Variants in ITGB5 observed in about 807,000 individuals in gnomAD.
ITGB5 encodes the protein integrin subunit beta 5.
ITGB5 carries 38 observed loss-of-function variants against 84.8 expected under a neutral mutation model. The observed-to-expected ratio is 0.45, with a 90% CI of 0.35 to 0.59. The LOEUF is 0.59. Among genes scored for constraint, ITGB5 ranks in the 20% least tolerant of loss-of-function variants. The probability of loss-of-function intolerance (pLI) is 0.01; values close to 1 mark genes in which losing one functional copy is unlikely to be tolerated. For missense variants in ITGB5, 905 were observed against 1,034.5 expected, an observed-to-expected ratio of 0.87 and a Z score of 1.72; for synonymous variants, 393 against 414.4, an observed-to-expected ratio of 0.95 and a Z score of 0.63.
intron 1 of ITGB5, among the ~76,000 whole-genome samples, chr3:124,882,305 G>A (rs936378155): frequency 6.6e-6 from 1 of 152,224 alleles, no homozygotes; most frequent in Non-Finnish European, 1.5e-5. Flanking sequence ...TTAGATGGTG[G>A]TGAGTGCTAA....
chr3:124,891,593 C>CA (rs59385283), upstream of ITGB5, among the ~76,000 whole-genome samples: 2,070 of 103,630 alleles, frequency 0.02, 64 homozygotes, highest in African/African-American at 0.05. Flanking sequence ...ATAACTGCCT[C>CA]AAAAAAAAAA....
chr3:124,880,526 G>C (rs1449100595), intron 1 of ITGB5, among the ~76,000 whole-genome samples: 1 of 152,160 alleles, frequency 6.6e-6, no homozygotes, highest in African/African-American at 2.4e-5. Flanking sequence ...CAGGTGGGAG[G>C]AGCAGTTGAG....
chr3:124,898,131 C>G (rs1260936347), intron 1 of ITGB5, among the ~76,000 whole-genome samples: 1 of 151,770 alleles, frequency 6.6e-6, no homozygotes, highest in East Asian at 1.9e-4. Context: ...ATCAGGAAGA[C>G]ACATGAGCAA....
intron 10 of ITGB5, among the ~76,000 whole-genome samples, chr3:124,795,303 A>C (rs1425442203): frequency 6.6e-6 from 1 of 152,128 alleles, no homozygotes; most frequent in Non-Finnish European, 1.5e-5. Flanking sequence ...AGCCTGGCCA[A>C]CATGGTGAAA....
rs1302019529 is a variant in ITGB5 at position 124,817,690 on chromosome 3, A to G, written c.1059T>C (p.Pro353=). ...MLYKNFTALI[P]GTTVEILDGD... is the part of the protein sequence containing the mutation. ...CATCTAAAATCTCCACCGTTGTTCC[A>G]GGTATCAGGGCTGTAAAATTCTTGG... The change falls in exon 8 of 15, where the codon CCT becomes CCC. Residue 353 remains proline (P), a synonymous_variant. Transcript: ENST00000296181. 6.3e-7 allele frequency: 1 copy of G among 1,589,258 alleles called. No individual in the cohort carries two copies. Among genetic ancestry groups the G allele is most frequent in the Non-Finnish European group, 8.6e-7 (1 of 1,167,358 alleles).
rs140404427 is a variant in ITGB5, at chr3:124,857,505, T to C, written c.361+1737A>G. On this transcript the variant is annotated intron_variant, in intron 3 of 14. Transcript: ENST00000296181. ...AACCCAAGAGAGCCAGCCAGATCCA[T>C]GATCTTTCCACTGCTACAAGCTTCC... is the stretch of plus-strand genomic sequence containing the variant. 7.9e-5 allele frequency among the ~76,000 whole-genome samples: 12 copies of C among 152,268 alleles called. No individual in the cohort carries two copies. The East Asian group carries it at 2.1e-3, about 27-fold the overall frequency.
chr3:124,815,061 A>G (rs538905142), intron 8 of ITGB5, among the ~76,000 whole-genome samples: 32 of 152,242 alleles, frequency 2.1e-4, no homozygotes, highest in African/African-American at 7.7e-4. Context: ...CTGGATTTCC[A>G]CTAGGAAAAT....
intron 5 of ITGB5, among the ~76,000 whole-genome samples, chr3:124,835,718 T>G (rs985519712): frequency 2.6e-5 from 4 of 152,178 alleles, no homozygotes; most frequent in Non-Finnish European, 5.9e-5. Flanking sequence ...TTTCCTGTAT[T>G]TCTCAACTCA....
intron 5 of ITGB5, 21 bp from the exon 6 acceptor site, chr3:124,821,495 G>A (rs753725211): frequency 1.2e-6 from 2 of 1,612,818 alleles, no homozygotes; most frequent in Admixed American, 1.7e-5. Flanking sequence ...GAAGGTGGAT[G>A]GGTACACCAG....
chr3:124,768,047 G>A (rs2063791282), intron 12 of ITGB5, among the ~76,000 whole-genome samples: 2 of 152,182 alleles, frequency 1.3e-5, no homozygotes, highest in Non-Finnish European at 2.9e-5. Context: ...TCCAGCCTGG[G>A]TGACAGAGAC....
chr3:124,855,275 C>T (rs1460557809), intron 3 of ITGB5, among the ~76,000 whole-genome samples: 11 of 152,102 alleles, frequency 7.2e-5, no homozygotes. Context: ...CACTGCACTC[C>T]AGCCTGGGCG....
Position 124,797,239 on chromosome 3 carries a change from C to T in ITGB5, c.1264-422G>A, listed in dbSNP as rs2064244309. On this transcript the variant is annotated intron_variant, in intron 9 of 14. Transcript: ENST00000296181. The stretch of plus-strand genomic sequence containing the variant: ...AAAGTCATTTGGTGGAAAAACATTT[C>T]CTGGGCGCTGCCTCTGTGCCAGGCA... Among the ~76,000 whole-genome samples the T allele has an allele frequency of 2.6e-5, 4 of 152,246 alleles. No individual in the cohort carries two copies. In the South Asian group the frequency reaches 8.3e-4, roughly 32 times the overall value.
rs1244080273 is a variant in ITGB5, at chr3:124,848,442, G to A, written c.478C>T (p.Leu160=). 1 of 1,614,072 alleles carries A rather than the reference G, an allele frequency of 6.2e-7. No individual in the cohort carries two copies. Among genetic ancestry groups the A allele is most frequent in the African/African-American group, 1.3e-5 (1 of 74,924 alleles). The change falls in exon 4 of 15, where the codon CTG becomes TTG. Residue 160 remains leucine, a synonymous_variant. Coordinates refer to ENST00000296181, the MANE Select transcript of ITGB5 (RefSeq NM_002213.5). The part of the protein sequence containing the change: ...MKDDLDNIRS[L]GTKLAEEMRK... ...ATCTCCTCCGCGAGTTTGGTGCCCAGGCTCCGGATATTGTCCAAGTCATCC... is the reference window on the plus strand; with the variant it reads ...ATCTCCTCCGCGAGTTTGGTGCCCAAGCTCCGGATATTGTCCAAGTCATCC...
chr3:124,896,503 C>G (rs1465469650), intron 1 of ITGB5, among the ~76,000 whole-genome samples: 1 of 151,754 alleles, frequency 6.6e-6, no homozygotes, highest in Non-Finnish European at 1.5e-5. Flanking sequence ...AATCCCAGCA[C>G]TTTGGGAGGC....
intron 2 of ITGB5, among the ~76,000 whole-genome samples, chr3:124,864,711 C>T (rs771713281): frequency 1.8e-4 from 28 of 151,926 alleles, no homozygotes; most frequent in Non-Finnish European, 3.4e-4. Context: ...TATAACAAAC[C>T]TGCACATATA....
At chr3:124,870,398 C>T (rs937275914) in intron 2 of ITGB5, among the ~76,000 whole-genome samples, 4 of 152,110 alleles carry the variant, frequency 2.6e-5, no homozygotes, top group Non-Finnish European at 5.9e-5. Context: ...ATGTGGTAAG[C>T]GCCATTCAGG....
At chr3:124,813,550 T>C (rs1238192256) in intron 8 of ITGB5, among the ~76,000 whole-genome samples, 2 of 152,168 alleles carry the variant, frequency 1.3e-5, no homozygotes, top group Non-Finnish European at 2.9e-5. Context: ...CCTTCTTTCA[T>C]CAATTTGCTA....
intron 2 of ITGB5, 138 bp downstream of exon 2, chr3:124,873,308 G>A: frequency 1.4e-6 from 1 of 725,818 alleles, no homozygotes; most frequent in Non-Finnish European, 2.6e-6. Flanking sequence ...ACTCTGCCCT[G>A]ATGGGGAAGA....
intron 3 of ITGB5, among the ~76,000 whole-genome samples, chr3:124,854,576 G>A (rs1389250743): frequency 6.6e-6 from 1 of 152,120 alleles, no homozygotes; most frequent in African/African-American, 2.4e-5. Context: ...GAAAGTAGAC[G>A]AGTGGATACC....
Sources: gnomAD v4.1 joint callset for allele counts (sites outside exome capture counted in the v4.1 genomes callset) on GRCh38, gnomAD v4.1.1 for gene constraint, MANE v1.5 for transcripts, NCBI Gene and HGNC (gene_info 2026-07-23, HGNC 2026-07-21) for gene names.